GRIK2: variants seen among roughly 807,000 people sequenced by gnomAD.
GRIK2 encodes glutamate ionotropic receptor kainate type subunit 2.
In GRIK2, 32 loss-of-function variants were observed where a neutral mutation model predicts 100.3. The observed-to-expected ratio is 0.32, with a 90% CI of 0.24 to 0.43. GRIK2 has a LOEUF of 0.43. GRIK2 is among the 20% of genes least tolerant of loss of function. The probability of loss-of-function intolerance (pLI) is 1.00; values close to 1 mark genes in which losing one functional copy is unlikely to be tolerated. For missense variants in GRIK2, 843 were observed against 1,114.9 expected, an observed-to-expected ratio of 0.76 and a Z score of 3.47; for synonymous variants, 417 against 389.4, an observed-to-expected ratio of 1.07 and a Z score of -0.83.
intron 2 of GRIK2, among the ~76,000 whole-genome samples, chr6:101,499,832 A>C (rs1369627539): frequency 1.3e-5 from 2 of 152,162 alleles, no homozygotes; most frequent in Non-Finnish European, 1.5e-5. Flanking sequence ...AAAGCTTACA[A>C]CAGTGCTTGG....
At chr6:101,726,235 G>T (rs548096746) in intron 7 of GRIK2, among the ~76,000 whole-genome samples, 147 of 152,072 alleles carry the variant, frequency 9.7e-4, no homozygotes, top group Non-Finnish European at 1.8e-3. Flanking sequence ...ATTAAAAGTG[G>T]TTGTGCTTGC....
intron 14 of GRIK2, among the ~76,000 whole-genome samples, chr6:101,976,220 A>G (rs968105116): frequency 2.0e-5 from 3 of 151,922 alleles, no homozygotes; most frequent in African/African-American, 7.2e-5. Context: ...CACTCAGTGG[A>G]ACTTGGAGAC....
chr6:101,785,806 T>A lies in GRIK2; in HGVS notation c.952-13842T>A, dbSNP rs1779385617. Reference sequence around the variant, plus strand: ...GGATTGCTTTGGTTATTCAGGCTGTTTTGGTTCCATATGAATTTTAGAAGT... The same window carrying A: ...GGATTGCTTTGGTTATTCAGGCTGTATTGGTTCCATATGAATTTTAGAAGT... On this transcript the variant is annotated intron_variant, in intron 7 of 16. Coordinates refer to ENST00000369134, the MANE Select transcript of GRIK2 (RefSeq NM_021956.5). Among the ~76,000 whole-genome samples, 4 of 152,286 alleles carry A rather than the reference T, an allele frequency of 2.6e-5. No homozygotes were observed. In the South Asian group the frequency reaches 8.3e-4, roughly 32 times the overall value.
At chr6:101,610,583 T>G (rs2128313169) in intron 2 of GRIK2, among the ~76,000 whole-genome samples, 1 of 151,942 alleles carries the variant, frequency 6.6e-6, no homozygotes, top group African/African-American at 2.4e-5. Flanking sequence ...AGATCTGAAA[T>G]TCAGAATCAT....
At chr6:101,758,611 A>C (rs982721216) in intron 7 of GRIK2, among the ~76,000 whole-genome samples, 1 of 152,184 alleles carries the variant, frequency 6.6e-6, no homozygotes, top group Non-Finnish European at 1.5e-5. Context: ...TTTAATAAGA[A>C]TACAATGTAA....
rs1789781506 is a variant in GRIK2, at chr6:101,924,813, G to T, written c.1867+94G>T. On this transcript the variant is annotated intron_variant, in intron 13 of 16. Transcript: ENST00000369134. ...GCTGGCACAAGTCGCTTGCATGGGT[G>T]CCTCTGTGCATGTAACCATAATCCA... 4 of 766,838 alleles carry T rather than the reference G, an allele frequency of 5.2e-6. No homozygotes were observed. The Admixed American group carries it at 7.6e-5, about 14-fold the overall frequency. The allele number at this position is 766,838 out of a possible 1,614,324, so 47.5% of individuals were successfully genotyped here.
chr6:101,859,515 T>A, intron 11 of GRIK2, 22 bp downstream of exon 11: 2 of 1,374,718 alleles, frequency 1.5e-6, no homozygotes, highest in Non-Finnish European at 2.1e-6. Context: ...CCCTCATGAT[T>A]TATTAGTTTG....
At chr6:101,454,571 T>C (rs1275261380) in intron 2 of GRIK2, among the ~76,000 whole-genome samples, 2 of 152,294 alleles carry the variant, frequency 1.3e-5, no homozygotes, top group East Asian at 1.9e-4. Flanking sequence ...TAACTGGTTA[T>C]AGCAATAGGT....
chr6:101,684,213 C>T (rs1239124437), intron 6 of GRIK2, among the ~76,000 whole-genome samples: 1 of 152,168 alleles, frequency 6.6e-6, no homozygotes, highest in Non-Finnish European at 1.5e-5. Context: ...AGCATTCCCT[C>T]ATCAGCAAAT....
chr6:101,719,138 G>GT lies in GRIK2; in HGVS notation c.951+32823dup, dbSNP rs60301711. Reference sequence around the variant, plus strand: ...CTGAAATGTGCAACAGGCTGCAAGGGTTTTTTTTTTTTTTTTTTTTTTTTT... The same window carrying GT: ...CTGAAATGTGCAACAGGCTGCAAGGGTTTTTTTTTTTTTTTTTTTTTTTTTT... On this transcript the variant is annotated intron_variant, in intron 7 of 16. Transcript: ENST00000369134. Among the ~76,000 whole-genome samples the GT allele has an allele frequency of 1.2e-3, 126 of 101,138 alleles. 9 individuals carry two copies. Among genetic ancestry groups the GT allele is most frequent in the African/African-American group, 3.9e-3 (78 of 20,120 alleles). 66.4% of individuals were successfully genotyped at this position (101,138 alleles called of 152,430 possible).
intron 14 of GRIK2, among the ~76,000 whole-genome samples, chr6:101,969,812 G>A (rs1792928202): frequency 6.6e-6 from 1 of 151,996 alleles, no homozygotes; most frequent in Admixed American, 6.6e-5. Flanking sequence ...AGTTTGGTCA[G>A]CAACTGCTTG....
intron 7 of GRIK2, 133 bp from the exon 8 acceptor site, chr6:101,799,515 C>T (rs557970775): frequency 6.0e-6 from 4 of 664,138 alleles, no homozygotes; most frequent in Admixed American, 4.7e-5. Flanking sequence ...TTAGAGATAA[C>T]GTTTTCTTCT....
chr6:101,481,243 A>G (rs1328600609), intron 2 of GRIK2, among the ~76,000 whole-genome samples: 2 of 152,158 alleles, frequency 1.3e-5, no homozygotes, highest in African/African-American at 4.8e-5. Flanking sequence ...TTTAAATGGA[A>G]TATATAGGCT....
intron 7 of GRIK2, among the ~76,000 whole-genome samples, chr6:101,752,239 T>C (rs569292608): frequency 2.4e-3 from 371 of 152,296 alleles, no homozygotes; most frequent in African/African-American, 8.5e-3. Flanking sequence ...TTTATTTTGG[T>C]CATTGTGAAC....
At chr6:101,617,418 G>A (rs1034379445) in intron 2 of GRIK2, among the ~76,000 whole-genome samples, 7 of 151,730 alleles carry the variant, frequency 4.6e-5, no homozygotes, top group Non-Finnish European at 7.4e-5. Flanking sequence ...TCATGTTATT[G>A]CATGTAGTTC....
At chr6:101,562,492 C>G (rs993702037) in intron 2 of GRIK2, among the ~76,000 whole-genome samples, 5 of 150,908 alleles carry the variant, frequency 3.3e-5, no homozygotes, top group African/African-American at 1.2e-4. Flanking sequence ...GCATGCACCA[C>G]CAGGCCTGGC....
At chr6:101,544,064 T>A (rs1483878371) in intron 2 of GRIK2, among the ~76,000 whole-genome samples, 2 of 152,186 alleles carry the variant, frequency 1.3e-5, no homozygotes, top group Non-Finnish European at 2.9e-5. Flanking sequence ...TAGGTTTTCT[T>A]GATGGAAGAG....
At chr6:101,396,545 T>A (rs1775017773) in intron 1 of GRIK2, among the ~76,000 whole-genome samples, 1 of 152,194 alleles carries the variant, frequency 6.6e-6, no homozygotes. Context: ...AACTACATCT[T>A]GGGCTTATCA....
At chr6:101,509,676 C>A (rs1200850241) in intron 2 of GRIK2, among the ~76,000 whole-genome samples, 1 of 152,158 alleles carries the variant, frequency 6.6e-6, no homozygotes, top group African/African-American at 2.4e-5. Flanking sequence ...TTAATGTTGG[C>A]TTTGTTATTT....
Sources: allele counts gnomAD v4.1 joint callset (sites outside exome capture counted in the v4.1 genomes callset), GRCh38; gene constraint gnomAD v4.1.1; transcripts MANE v1.5; gene names NCBI Gene and HGNC (gene_info 2026-07-23, HGNC 2026-07-21).